Variants in MYO3B observed in about 807,000 individuals in gnomAD.
MYO3B encodes myosin-IIIb.
Under a neutral mutation model 174.6 loss-of-function variants are expected in MYO3B, and 156 were observed. The observed-to-expected ratio is 0.89, with a 90% confidence interval of 0.78 to 1.02. The LOEUF (loss-of-function observed/expected upper bound fraction) is 1.02. MYO3B is among the 50% of genes least tolerant of loss of function. MYO3B has a pLI of 0.00. For synonymous variants in MYO3B, 563 were observed against 569.1 expected (o/e 0.99, Z 0.15); for missense variants, 1,632 against 1,639.4 (o/e 1.00, Z 0.08).
intron 30 of MYO3B, among the ~76,000 whole-genome samples, chr2:170,526,809 G>A (rs773568775): frequency 5.9e-5 from 9 of 152,116 alleles, no homozygotes; most frequent in Admixed American, 3.9e-4. Flanking sequence ...GCTTATGGCC[G>A]TACATAAATA....
chr2:170,349,066 G>GT (rs1473068348), intron 8 of MYO3B, among the ~76,000 whole-genome samples: 1 of 152,088 alleles, frequency 6.6e-6, no homozygotes, highest in Non-Finnish European at 1.5e-5. Context: ...TAATTATTCT[G>GT]TGTCTTCCCA....
intron 1 of MYO3B, among the ~76,000 whole-genome samples, chr2:170,188,108 T>G (rs1450251742): frequency 6.6e-6 from 1 of 152,184 alleles, no homozygotes; most frequent in East Asian, 1.9e-4. Flanking sequence ...TCTCTTTAGC[T>G]CTAAAATTTA....
At chr2:170,507,748 AG>A (rs35494635) in intron 28 of MYO3B, among the ~76,000 whole-genome samples, 40,693 of 151,948 alleles carry the variant, frequency 0.27, 6,435 homozygotes, top group African/African-American at 0.44. Context: ...GGAAATGTCT[AG>A]GGGGAAAGCA....
intron 25 of MYO3B, among the ~76,000 whole-genome samples, chr2:170,487,094 C>T (rs1686114791): frequency 6.6e-6 from 1 of 152,176 alleles, no homozygotes; most frequent in African/African-American, 2.4e-5. Context: ...CATTGTATCT[C>T]CAGGTGATTC....
At chr2:170,187,026 G>A (rs146523287) in intron 1 of MYO3B, among the ~76,000 whole-genome samples, 1 of 148,326 alleles carries the variant, frequency 6.7e-6, no homozygotes, top group Admixed American at 6.7e-5. Context: ...TTTAAGTCTG[G>A]CTAAAGGTTT....
intron 32 of MYO3B, among the ~76,000 whole-genome samples, chr2:170,549,650 C>A (rs1690753066): frequency 6.6e-6 from 1 of 152,158 alleles, no homozygotes; most frequent in African/African-American, 2.4e-5. Flanking sequence ...CTTAAGGTGA[C>A]CAAATATCTC....
At chr2:170,239,868 C>T (rs745802296) in intron 7 of MYO3B, among the ~76,000 whole-genome samples, 1 of 152,216 alleles carries the variant, frequency 6.6e-6, no homozygotes, top group African/African-American at 2.4e-5. Flanking sequence ...TATTCTCTCA[C>T]AGTTCTGGAG....
intron 7 of MYO3B, among the ~76,000 whole-genome samples, chr2:170,282,438 A>G (rs1257223427): frequency 6.6e-6 from 1 of 152,080 alleles, no homozygotes; most frequent in Admixed American, 6.5e-5. Context: ...CTTTGGGTTT[A>G]TCTTTATTCT....
At chr2:170,359,122 A>G (rs1013226039) in intron 8 of MYO3B, among the ~76,000 whole-genome samples, 7 of 152,204 alleles carry the variant, frequency 4.6e-5, no homozygotes, top group African/African-American at 1.7e-4. Flanking sequence ...TACAATGAGA[A>G]CTAAAAAGGG....
At chr2:170,622,632 T>C (rs1696028048) in intron 32 of MYO3B, among the ~76,000 whole-genome samples, 1 of 152,152 alleles carries the variant, frequency 6.6e-6, no homozygotes, top group Non-Finnish European at 1.5e-5. Context: ...TGCAGGTTTG[T>C]TACATATGTA....
chr2:170,441,257 T>C (rs2094798905), intron 22 of MYO3B, among the ~76,000 whole-genome samples: 1 of 152,252 alleles, frequency 6.6e-6, no homozygotes, highest in South Asian at 2.1e-4. Flanking sequence ...ATGCCTTTCA[T>C]TTCTTTTCCT....
At chr2:170,402,328 C>T (rs1235395228) in intron 18 of MYO3B, among the ~76,000 whole-genome samples, 1 of 152,234 alleles carries the variant, frequency 6.6e-6, no homozygotes, top group East Asian at 1.9e-4. Context: ...ATAATATCCT[C>T]TTCATAGTTT....
Position 170,339,521 on chromosome 2 carries a change from T to C in MYO3B, c.815+4071T>C, listed in dbSNP as rs116433533. Among the ~76,000 whole-genome samples, 1,203 of 152,096 alleles carry C rather than the reference T, an allele frequency of 7.9e-3. 15 individuals carry two copies. Among genetic ancestry groups the C allele is most frequent in the African/African-American group, 0.027 (1,138 of 41,492 alleles). ...TTATAGCTATGTAGACAGGGCACAG[T>C]GGGGTGTGTGTGTGCACGTGCATAC... On this transcript the variant is annotated intron_variant, in intron 8 of 34. Coordinates refer to ENST00000408978, the MANE Select transcript of MYO3B (RefSeq NM_138995.5).
intron 22 of MYO3B, among the ~76,000 whole-genome samples, chr2:170,422,368 G>C (rs72876387): frequency 0.052 from 7,856 of 152,146 alleles, 271 homozygotes; most frequent in Non-Finnish European, 0.068. Flanking sequence ...GCACCTGCCT[G>C]ATTTACTCTG....
chr2:170,273,115 G>C (rs1295683105), intron 7 of MYO3B, among the ~76,000 whole-genome samples: 3 of 152,114 alleles, frequency 2.0e-5, no homozygotes, highest in African/African-American at 7.2e-5. Context: ...AGATTCAAAA[G>C]TGGATCTCCA....
At chr2:170,230,693 GA>G (rs2105284816) in intron 6 of MYO3B, among the ~76,000 whole-genome samples, 1 of 152,080 alleles carries the variant, frequency 6.6e-6, no homozygotes, top group South Asian at 2.1e-4. Context: ...AGACATTTTA[GA>G]AAACATAAAA....
rs774117389 is a variant in MYO3B, at chr2:170,327,206, A to G, written c.750-8179A>G. Among the ~76,000 whole-genome samples, 89 of 152,264 alleles carry G rather than the reference A, an allele frequency of 5.8e-4. 1 individual carries two copies. The highest frequency in any genetic ancestry group is 6.8e-3 in the Middle Eastern group (2 of 294). The stretch of plus-strand genomic sequence containing the variant: ...TCGAGACCATCCTGGCCCACATGGT[A>G]AAACCCTGTCTCTACTAAAAATACA... On this transcript the variant is annotated intron_variant, in intron 7 of 34. Transcript: ENST00000408978.
At chr2:170,294,859 G>C (rs1393914254) in intron 7 of MYO3B, among the ~76,000 whole-genome samples, 1 of 152,048 alleles carries the variant, frequency 6.6e-6, no homozygotes, top group African/African-American at 2.4e-5. Context: ...GAGAATGGGG[G>C]AAGGCTATGC....
chr2:170,587,149 G>A (rs1054915245), intron 32 of MYO3B, among the ~76,000 whole-genome samples: 3 of 152,118 alleles, frequency 2.0e-5, no homozygotes, highest in Non-Finnish European at 2.9e-5. Flanking sequence ...ACATACACAT[G>A]TATATTACAT....
Sources: gnomAD v4.1 joint callset for allele counts (sites outside exome capture counted in the v4.1 genomes callset) on GRCh38, gnomAD v4.1.1 for gene constraint, MANE v1.5 for transcripts, NCBI Gene and HGNC (gene_info 2026-07-23, HGNC 2026-07-21) for gene names.